The following NBPF15 variants were observed in gnomAD, a reference collection of about 807,000 sequenced individuals.
The protein encoded by NBPF15 is NBPF member 15, also known as NBPF family member NBPF15.
A neutral mutation model predicts 62.2 loss-of-function variants in NBPF15; 74 were observed. That is an observed-to-expected ratio of 1.19 (90% CI 0.99 to 1.44). NBPF15 has a LOEUF of 1.44. Ranked by LOEUF, NBPF15 falls within the 40% of genes most tolerant of loss-of-function variation. The probability of loss-of-function intolerance (pLI) is 0.00; values close to 1 mark genes in which losing one functional copy is unlikely to be tolerated. For missense variants in NBPF15, 790 were observed against 550.0 expected (o/e 1.44, Z -4.36); for synonymous variants, 244 against 209.7 (o/e 1.16, Z -1.41).
At chr1:144,424,591 T>G in intron 20 of NBPF15, 99 bp downstream of exon 20, 1 of 656,772 alleles carries the variant, frequency 1.5e-6, no homozygotes, top group Non-Finnish European at 2.7e-6. Context: ...ACTGCGGCAA[T>G]GACATCTCTC....
chr1:144,423,495 T>A (rs1553538686), intron 21 of NBPF15, among the ~76,000 whole-genome samples: 1 of 151,612 alleles, frequency 6.6e-6, no homozygotes, highest in Non-Finnish European at 1.5e-5. Context: ...GAAAGTGAGC[T>A]AGTGAATTGC....
intron 4 of NBPF15, among the ~76,000 whole-genome samples, chr1:144,451,110 G>A (rs1253351606): frequency 6.6e-6 from 1 of 151,838 alleles, no homozygotes; most frequent in Non-Finnish European, 1.5e-5. Flanking sequence ...GGGGGATGTG[G>A]CAGGACAATA....
intron 5 of NBPF15, among the ~76,000 whole-genome samples, chr1:144,450,568 G>A (rs1391448385): frequency 2.0e-5 from 3 of 150,348 alleles, no homozygotes; most frequent in Admixed American, 2.0e-4. Flanking sequence ...TCTGATCAGA[G>A]AACCCGGCCA....
intron 12 of NBPF15, among the ~76,000 whole-genome samples, chr1:144,434,696 G>A (rs1303749105): frequency 9.2e-5 from 14 of 151,642 alleles, no homozygotes; most frequent in African/African-American, 3.4e-4. Context: ...CCAGATGAAA[G>A]CTGAGAGCAG....
chr1:144,431,541 G>A (rs1196426730), intron 13 of NBPF15, among the ~76,000 whole-genome samples: 1 of 148,728 alleles, frequency 6.7e-6, no homozygotes, highest in Non-Finnish European at 1.5e-5. Flanking sequence ...TGTGCACAAC[G>A]TGCAGGTTAG....
Position 144,427,941 on chromosome 1 carries a change from A to G in NBPF15, c.1090T>C (p.Ser364Pro). 2 of 772,348 alleles carry G rather than the reference A, an allele frequency of 2.6e-6. No homozygotes were observed. 47.8% of individuals were successfully genotyped at this position (772,348 alleles called of 1,614,324 possible). Residue 364 changes from serine (S) to proline (P), a missense_variant, in exon 16 of 22, where the codon TCA becomes CCA. By Grantham distance (74) the Ser-to-Pro change is moderately conservative. Transcript: ENST00000581897. ...GGAGTTGAATAACATCTATCCAGTG[A>G]GTCCTGCAAGACTTCAGGCTCTTTC... ...DEKEPEVLQD[S>P]LDRCYSTPSG... is the part of the protein sequence containing the mutation.
At chr1:144,428,294 C>G (rs1671449131) in intron 15 of NBPF15, among the ~76,000 whole-genome samples, 1 of 151,796 alleles carries the variant, frequency 6.6e-6, no homozygotes, top group African/African-American at 2.4e-5. Flanking sequence ...TCAGGACACA[C>G]AGTGAACAGT....
At chr1:144,457,732 C>T (rs28360928) in intron 3 of NBPF15, among the ~76,000 whole-genome samples, 5 of 152,058 alleles carry the variant, frequency 3.3e-5, no homozygotes, top group Middle Eastern at 6.8e-3. Flanking sequence ...GAATACTATA[C>T]TCATAAATAA....
At chr1:144,438,996 AT>A (rs1166114334) in intron 8 of NBPF15, among the ~76,000 whole-genome samples, 101 of 147,912 alleles carry the variant, frequency 6.8e-4, no homozygotes, top group Admixed American at 1.3e-3. Context: ...TATTATTATT[AT>A]TTTTTTTTAA....
At chr1:144,442,192 C>A (rs1223017768) in intron 6 of NBPF15, among the ~76,000 whole-genome samples, 2 of 87,948 alleles carry the variant, frequency 2.3e-5, no homozygotes, top group African/African-American at 5.2e-5. Flanking sequence ...TATATATACA[C>A]GTGTATATAT....
intron 6 of NBPF15, among the ~76,000 whole-genome samples, chr1:144,443,554 A>G (rs2102384010): frequency 6.6e-6 from 1 of 151,974 alleles, no homozygotes; most frequent in East Asian, 1.9e-4. Context: ...GAGTCTTCCA[A>G]TCAATGAACA....
chr1:144,427,708 T>A (rs1670783304), intron 16 of NBPF15, 110 bp downstream of exon 16: 1 of 616,400 alleles, frequency 1.6e-6, no homozygotes, highest in East Asian at 2.7e-5. Context: ...CTATAGGTCC[T>A]CCCTGTGGCA....
At chr1:144,447,768 C>A (rs1232481168) in intron 6 of NBPF15, among the ~76,000 whole-genome samples, 1 of 152,090 alleles carries the variant, frequency 6.6e-6, no homozygotes, top group Non-Finnish European at 1.5e-5. Context: ...GTTGTTCCAA[C>A]AGTTGTATTA....
chr1:144,439,544 G>T (rs1377995722), intron 8 of NBPF15, among the ~76,000 whole-genome samples: 1 of 152,098 alleles, frequency 6.6e-6, no homozygotes, highest in Non-Finnish European at 1.5e-5. Flanking sequence ...TTGAAAACAT[G>T]ATTGAGCCTC....
rs1301813159 is a variant in NBPF15, at chr1:144,422,958, C to T, written c.*55G>A. On this transcript the variant is annotated 3_prime_UTR_variant, in exon 22 of 22. Transcript: ENST00000581897. ...AACTGTACTTTCATTCAAATCTTCT[C>T]GTGCCTATAGGTCCTGCCTGCAGGA... The T allele has an allele frequency of 3.0e-5, 49 of 1,611,566 alleles. 1 individual carries two copies. The highest frequency in any genetic ancestry group is 9.3e-5 in the African/African-American group (7 of 74,908).
chr1:144,453,270 G>A (rs1553545929), intron 4 of NBPF15, among the ~76,000 whole-genome samples: 1 of 151,278 alleles, frequency 6.6e-6, no homozygotes, highest in Non-Finnish European at 1.5e-5. Flanking sequence ...TGCTAGAACA[G>A]CTGGACAACC....
At chr1:144,428,731 A>G (rs1671878278) in intron 14 of NBPF15, 74 bp from the exon 15 acceptor site, 1 of 662,166 alleles carries the variant, frequency 1.5e-6, no homozygotes, top group Admixed American at 2.3e-5. Flanking sequence ...CCTCTGTCCA[A>G]TCCTAACACA....
intron 19 of NBPF15, among the ~76,000 whole-genome samples, 197 bp from the exon 20 acceptor site, chr1:144,425,059 G>GACACACACACACACAC (rs199782361): frequency 1.1e-5 from 1 of 92,826 alleles, no homozygotes; most frequent in Non-Finnish European, 2.1e-5. Context: ...AAGACAGATA[G>GACACACACACACACAC]ACACACACAC....
Position 144,461,468 on chromosome 1 carries a change from C to A in NBPF15, c.-1025G>T, listed in dbSNP as rs1367242801. ...CGTAACTTCCCATCCAGACGGCATC[C>A]GTGCGCCACGCCTCGGCCCGCTCCT... On this transcript the variant is annotated 5_prime_UTR_variant, in exon 1 of 22. Coordinates refer to ENST00000581897, the MANE Select transcript of NBPF15 (RefSeq NM_001385408.1). 6.6e-6 allele frequency: 1 copy of A among 152,512 alleles called. No homozygotes were observed. The highest frequency in any genetic ancestry group is 2.1e-4 in the South Asian group (1 of 4,836). The allele number at this position is 152,512 out of a possible 1,614,324, so 9.4% of individuals were successfully genotyped here.
Sources: allele counts gnomAD v4.1 joint callset (sites outside exome capture counted in the v4.1 genomes callset), GRCh38; gene constraint gnomAD v4.1.1; transcripts MANE v1.5; gene names NCBI Gene and HGNC (gene_info 2026-07-23, HGNC 2026-07-21).